The following NCALD variants were observed in gnomAD, a reference collection of about 807,000 sequenced individuals.
NCALD encodes the protein neurocalcin-delta.
In NCALD, 10 loss-of-function variants were observed where a neutral mutation model predicts 18.6. The observed-to-expected ratio is 0.54, with a 90% CI of 0.33 to 0.91. The LOEUF (loss-of-function observed/expected upper bound fraction) is 0.91, where lower values mean the gene tolerates loss of function less well. NCALD is among the 40% of genes least tolerant of loss of function. The pLI, the probability that NCALD is intolerant of heterozygous loss-of-function variation, is 0.03. For missense variants in NCALD, 184 were observed against 247.6 expected (o/e 0.74, Z 1.72); for synonymous variants, 88 against 87.4 (o/e 1.01, Z -0.04).
In NCALD at chr8:101,848,258, C is replaced by T. The variant is rs1261735832; in HGVS notation, c.-20+38883G>A. ...TTCCTATGGCACCTCAGGGTCTCCA[C>T]GGAGCAGCAGGGAGTTACAGGGACC... is the stretch of plus-strand genomic sequence containing the variant. On this transcript the variant is annotated intron_variant, in intron 4 of 6. Transcript: ENST00000311028. 5.9e-5 allele frequency among the ~76,000 whole-genome samples: 9 copies of T among 151,910 alleles called. No individual in the cohort carries two copies. In the South Asian group the frequency reaches 8.3e-4, roughly 14 times the overall value.
At chr8:102,044,491 C>T (rs955182931) in intron 1 of NCALD, among the ~76,000 whole-genome samples, 8 of 152,142 alleles carry the variant, frequency 5.3e-5, no homozygotes, top group African/African-American at 7.2e-5. Context: ...GACATTTCTG[C>T]GTCGTTTCTA....
At chr8:102,065,986 C>A (rs528296767) in intron 1 of NCALD, among the ~76,000 whole-genome samples, 1 of 152,170 alleles carries the variant, frequency 6.6e-6, no homozygotes, top group South Asian at 2.1e-4. Context: ...CATGAGAAGA[C>A]AATAAGTAAG....
chr8:102,015,086 G>A (rs956243881), intron 2 of NCALD, among the ~76,000 whole-genome samples: 1 of 152,168 alleles, frequency 6.6e-6, no homozygotes, highest in Non-Finnish European at 1.5e-5. Context: ...TTAGAATGAT[G>A]TACTTCTCGA....
chr8:101,717,851 A>G (rs1318256643), intron 2 of NCALD, among the ~76,000 whole-genome samples: 1 of 152,246 alleles, frequency 6.6e-6, no homozygotes, highest in Admixed American at 6.5e-5. Context: ...AGAATAATTG[A>G]AAGCAGGGAG....
At chr8:101,899,215 T>C (rs1413577795) in intron 3 of NCALD, among the ~76,000 whole-genome samples, 1 of 152,084 alleles carries the variant, frequency 6.6e-6, no homozygotes, top group Non-Finnish European at 1.5e-5. Context: ...AAAAGTGTAA[T>C]TGATTTTGAT....
intron 1 of NCALD, among the ~76,000 whole-genome samples, chr8:102,116,123 C>G (rs11778285): frequency 0.23 from 17,691 of 77,650 alleles, 1,169 homozygotes; most frequent in Middle Eastern, 0.29. Flanking sequence ...TGGGGGGAGG[C>G]GGGAGGGATA....
At chr8:102,070,236 T>C (rs1421221958) in intron 1 of NCALD, 1 of 152,206 alleles carries the variant, frequency 6.6e-6, no homozygotes, top group Admixed American at 6.5e-5. Context: ...ATTCCACTAA[T>C]AATAGTCACA....
At chr8:101,710,758 GC>G (rs1454084481) in intron 2 of NCALD, among the ~76,000 whole-genome samples, 2 of 152,248 alleles carry the variant, frequency 1.3e-5, no homozygotes, top group African/African-American at 4.8e-5. Flanking sequence ...AAAGGCAGCA[GC>G]CCCATTCAGG....
chr8:102,017,952 C>A (rs762493588), intron 2 of NCALD, among the ~76,000 whole-genome samples: 4 of 152,040 alleles, frequency 2.6e-5, no homozygotes, highest in Non-Finnish European at 4.4e-5. Flanking sequence ...GACACTTTAT[C>A]AAAGAAGATA....
intron 1 of NCALD, among the ~76,000 whole-genome samples, chr8:102,096,690 G>A (rs1165396594): frequency 2.0e-5 from 3 of 152,178 alleles, no homozygotes; most frequent in Admixed American, 2.0e-4. Flanking sequence ...TCATTTACAT[G>A]AGGTGAGCAC....
chr8:102,031,426 G>A (rs185859258), intron 1 of NCALD, among the ~76,000 whole-genome samples: 1 of 152,182 alleles, frequency 6.6e-6, no homozygotes, highest in African/African-American at 2.4e-5. Flanking sequence ...AAGTGAAGGG[G>A]GTTATGATGG....
intron 1 of NCALD, among the ~76,000 whole-genome samples, chr8:102,112,481 T>TA (rs541124396): frequency 0.018 from 2,682 of 147,358 alleles, 88 homozygotes; most frequent in African/African-American, 0.057. Flanking sequence ...CAAACTGTGA[T>TA]AAAAAAAAAA....
chr8:101,984,695 T>C (rs1205342516), intron 2 of NCALD, among the ~76,000 whole-genome samples: 1 of 152,136 alleles, frequency 6.6e-6, no homozygotes, highest in Non-Finnish European at 1.5e-5. Flanking sequence ...CAGAACCCAT[T>C]TGAAGCAAGC....
chr8:101,819,263 C>CATTATTTA (rs76064599), intron 4 of NCALD, among the ~76,000 whole-genome samples: 5,859 of 148,312 alleles, frequency 0.04, 165 homozygotes, highest in African/African-American at 0.062. Context: ...AAATACATAA[C>CATTATTTA]TTTATTTATT....
At chr8:102,003,717 G>C (rs2132036470) in intron 2 of NCALD, among the ~76,000 whole-genome samples, 1 of 152,300 alleles carries the variant, frequency 6.6e-6, no homozygotes, top group South Asian at 2.1e-4. Flanking sequence ...TGCAAGACTG[G>C]TTCAACATAC....
At chr8:102,097,527 G>C (rs1056999273) in intron 1 of NCALD, among the ~76,000 whole-genome samples, 4 of 152,116 alleles carry the variant, frequency 2.6e-5, no homozygotes, top group African/African-American at 4.8e-5. Flanking sequence ...ATCCCTTCCC[G>C]GTGAGACATG....
At position 101,995,062 on chromosome 8, in the gene NCALD, C is replaced by T. The variant is rs114891205; in HGVS notation, c.-157+25175G>A. 7.5e-3 allele frequency among the ~76,000 whole-genome samples: 1,145 copies of T among 152,256 alleles called. 13 individuals are homozygous for T. The highest frequency in any genetic ancestry group is 0.023 in the African/African-American group (946 of 41,530). The stretch of plus-strand genomic sequence containing the variant: ...AGTTTTTTTAAAAAGTTTGCTTCTT[C>T]TGAACTCAGTAACAGCTTATTTATT... On this transcript the variant is annotated intron_variant, in intron 2 of 6. Transcript: ENST00000311028.
intron 1 of NCALD, among the ~76,000 whole-genome samples, chr8:102,115,834 G>A (rs1352053897): frequency 1.3e-5 from 2 of 152,144 alleles, no homozygotes; most frequent in African/African-American, 4.8e-5. Context: ...TGAGAAGCCT[G>A]AACAGGACCA....
At chr8:102,041,221 T>C (rs1429346844) in intron 1 of NCALD, among the ~76,000 whole-genome samples, 2 of 152,334 alleles carry the variant, frequency 1.3e-5, no homozygotes, top group South Asian at 2.1e-4. Flanking sequence ...ACATGCCCAA[T>C]GTCCCCTTTC....
Sources: gnomAD v4.1 joint callset for allele counts (sites outside exome capture counted in the v4.1 genomes callset) on GRCh38, gnomAD v4.1.1 for gene constraint, MANE v1.5 for transcripts, NCBI Gene and HGNC (gene_info 2026-07-23, HGNC 2026-07-21) for gene names.